The following ELOVL6 variants were observed in gnomAD, a reference collection of about 807,000 sequenced individuals.
ELOVL6 encodes the protein ELOVL fatty acid elongase 6, also known as very long chain fatty acid elongase 6.
In ELOVL6, 8 loss-of-function variants were observed where a neutral mutation model predicts 31.7. The observed-to-expected ratio is 0.25, with a 90% CI of 0.15 to 0.45. ELOVL6 has a LOEUF of 0.45. ELOVL6 is among the 20% of genes least tolerant of loss of function. ELOVL6 has a pLI of 1.00. For missense variants in ELOVL6, 126 were observed against 326.4 expected, an observed-to-expected ratio of 0.39 and a Z score of 4.73; for synonymous variants, 101 against 117.7, an observed-to-expected ratio of 0.86 and a Z score of 0.92.
chr4:110,171,350 A>G (rs1758936513), intron 1 of ELOVL6, among the ~76,000 whole-genome samples: 1 of 152,114 alleles, frequency 6.6e-6, no homozygotes, highest in Non-Finnish European at 1.5e-5. Flanking sequence ...CAGAGGTTGC[A>G]GTGAGCCAAG....
At chr4:110,176,733 G>A (rs1289187199) in intron 1 of ELOVL6, among the ~76,000 whole-genome samples, 1 of 152,114 alleles carries the variant, frequency 6.6e-6, no homozygotes, top group Admixed American at 6.5e-5. Flanking sequence ...CACTCTCTTT[G>A]TCATTCTTTG....
chr4:110,147,536 G>A (rs1758153793), intron 1 of ELOVL6, among the ~76,000 whole-genome samples: 2 of 152,108 alleles, frequency 1.3e-5, no homozygotes, highest in African/African-American at 4.8e-5. Context: ...ACAGCCTGCA[G>A]GGAACTAACA....
rs1560820752 is a variant in ELOVL6, at chr4:110,094,445, T to TATATAAA, written c.221+11051_221+11052insTTTATAT. Among the ~76,000 whole-genome samples, 315 of 47,348 alleles carry TATATAAA rather than the reference T, an allele frequency of 6.7e-3. 7 individuals carry two copies. The highest frequency in any genetic ancestry group is 0.029 in the Middle Eastern group (2 of 70). 31.1% of individuals were successfully genotyped at this position (47,348 alleles called of 152,430 possible). A position where few individuals can be genotyped will look rare whatever the true frequency, so the allele number is the denominator to read the frequency against. Reference sequence around the variant, plus strand: ...TATATATATATATATATATATATAATATATATAACATAATATATATTACAT... The same window carrying TATATAAA: ...TATATATATATATATATATATATAATATATAAAATATATAACATAATATATATTACAT... On this transcript the variant is annotated intron_variant, in intron 2 of 3. Coordinates refer to ENST00000302274, the MANE Select transcript of ELOVL6 (RefSeq NM_024090.3).
At chr4:110,126,642 ATG>A (rs1757506416) in intron 1 of ELOVL6, among the ~76,000 whole-genome samples, 1 of 152,198 alleles carries the variant, frequency 6.6e-6, no homozygotes, top group Non-Finnish European at 1.5e-5. Context: ...AGCTAATCTT[ATG>A]TGTTTCTCAA....
chr4:110,062,627 G>A (rs1324913177), intron 2 of ELOVL6, among the ~76,000 whole-genome samples: 1 of 152,224 alleles, frequency 6.6e-6, no homozygotes, highest in African/African-American at 2.4e-5. Flanking sequence ...GAGAGGCAGC[G>A]TGATGCAGCA....
At chr4:110,094,438 T>TATATATATATATATATATATAA (rs1383825931) in intron 2 of ELOVL6, among the ~76,000 whole-genome samples, 10 of 55,306 alleles carry the variant, frequency 1.8e-4, no homozygotes, top group South Asian at 7.2e-4. Context: ...TATATATATA[T>TATATATATATATATATATATAA]ATATAATATA....
At position 110,065,020 on chromosome 4, in the gene ELOVL6, T is replaced by G. The variant is rs140753366; in HGVS notation, c.222-5266A>C. ...TTAACACACACCAAGTGTCAGATATTACAGTACTCATGAGGGAGGTTGGGG... is the reference window on the plus strand; with the variant it reads ...TTAACACACACCAAGTGTCAGATATGACAGTACTCATGAGGGAGGTTGGGG... On this transcript the variant is annotated intron_variant, in intron 2 of 3. Coordinates refer to ENST00000302274, the MANE Select transcript of ELOVL6 (RefSeq NM_024090.3). 2.0e-5 allele frequency among the ~76,000 whole-genome samples: 3 copies of G among 152,256 alleles called. No individual in the cohort carries two copies. The East Asian group carries it at 5.8e-4, about 29-fold the overall frequency.
chr4:110,058,956 G>T (rs1176810180), intron 3 of ELOVL6, among the ~76,000 whole-genome samples: 1 of 152,108 alleles, frequency 6.6e-6, no homozygotes, highest in Non-Finnish European at 1.5e-5. Context: ...TTAACTCCTT[G>T]ACTTTACTAT....
At chr4:110,183,737 C>T (rs912466769) in intron 1 of ELOVL6, among the ~76,000 whole-genome samples, 9 of 152,120 alleles carry the variant, frequency 5.9e-5, no homozygotes, top group African/African-American at 2.2e-4. Context: ...GGCACGGTGG[C>T]TCACAGCTGT....
chr4:110,172,941 A>T (rs1403102005), intron 1 of ELOVL6, among the ~76,000 whole-genome samples: 1 of 152,184 alleles, frequency 6.6e-6, no homozygotes, highest in East Asian at 1.9e-4. Flanking sequence ...AGCACAACAA[A>T]GAATGCAAAA....
At chr4:110,114,576 A>T (rs1757124619) in intron 1 of ELOVL6, among the ~76,000 whole-genome samples, 2 of 152,128 alleles carry the variant, frequency 1.3e-5, no homozygotes, top group Non-Finnish European at 2.9e-5. Flanking sequence ...TTCTTTAAAA[A>T]CTGACCCAAA....
At chr4:110,171,141 C>T (rs898288985) in intron 1 of ELOVL6, among the ~76,000 whole-genome samples, 1 of 152,210 alleles carries the variant, frequency 6.6e-6, no homozygotes, top group Non-Finnish European at 1.5e-5. Context: ...GGCGCTGTGG[C>T]TCATGCCTGT....
rs1264271288 is a variant in ELOVL6, at chr4:110,198,454, A to G, written c.-119T>C. On this transcript the variant is annotated 5_prime_UTR_variant, in exon 1 of 4. Transcript: ENST00000302274. Reference sequence around the variant, plus strand: ...CCACCCACCCCCCTAGGTCTTCCCCACGCCGCTCGGTCTCCAGCGGTCGTC... The same window carrying G: ...CCACCCACCCCCCTAGGTCTTCCCCGCGCCGCTCGGTCTCCAGCGGTCGTC... 1 of 536,244 alleles carries G rather than the reference A, an allele frequency of 1.9e-6. No individual in the cohort carries two copies. The highest frequency in any genetic ancestry group is 2.9e-5 in the East Asian group (1 of 33,906). 33.2% of individuals were successfully genotyped at this position (536,244 alleles called of 1,614,324 possible). A position where few individuals can be genotyped will look rare whatever the true frequency, so the allele number is the denominator to read the frequency against.
chr4:110,063,559 T>C (rs1194101144), intron 2 of ELOVL6, among the ~76,000 whole-genome samples: 1 of 151,492 alleles, frequency 6.6e-6, no homozygotes, highest in Non-Finnish European at 1.5e-5. Flanking sequence ...GCACTTTCCA[T>C]AGAAGGGCTT....
intron 1 of ELOVL6, among the ~76,000 whole-genome samples, chr4:110,114,988 G>A (rs1757134530): frequency 6.6e-6 from 1 of 152,130 alleles, no homozygotes; most frequent in South Asian, 2.1e-4. Context: ...CATTTCTGTT[G>A]TAGGTTACCA....
upstream of ELOVL6, chr4:110,198,915 T>C (rs945144690): frequency 1.3e-5 from 2 of 152,470 alleles, no homozygotes; most frequent in African/African-American, 4.8e-5. Flanking sequence ...ACCCGAGAGC[T>C]TGGCGAGTAA....
intron 1 of ELOVL6, among the ~76,000 whole-genome samples, chr4:110,154,900 T>G (rs867427493): frequency 2.0e-5 from 3 of 152,346 alleles, no homozygotes; most frequent in Middle Eastern, 3.4e-3. Flanking sequence ...AAACAGGGAC[T>G]TTCCACAAAG....
At chr4:110,086,852 A>G (rs1469032413) in intron 2 of ELOVL6, among the ~76,000 whole-genome samples, 1 of 152,174 alleles carries the variant, frequency 6.6e-6, no homozygotes, top group Non-Finnish European at 1.5e-5. Flanking sequence ...ATTTATTCCT[A>G]TGGGAAAACT....
chr4:110,132,159 G>A (rs1050014269), intron 1 of ELOVL6, among the ~76,000 whole-genome samples: 1 of 152,096 alleles, frequency 6.6e-6, no homozygotes, highest in African/African-American at 2.4e-5. Context: ...TGAAAATACA[G>A]GAAGCCATGA....
Sources: allele counts gnomAD v4.1 joint callset (sites outside exome capture counted in the v4.1 genomes callset), GRCh38; gene constraint gnomAD v4.1.1; transcripts MANE v1.5; gene names NCBI Gene and HGNC (gene_info 2026-07-23, HGNC 2026-07-21).